Variants in EFCAB8 observed in about 807,000 individuals in gnomAD.
EFCAB8 encodes the protein EF-hand calcium binding domain 8, also known as EF-hand calcium-binding domain-containing protein 8.
EFCAB8 carries 100 observed loss-of-function variants against 116.3 expected under a neutral mutation model. That is an observed-to-expected ratio of 0.86 (90% confidence interval 0.73 to 1.02). The LOEUF (loss-of-function observed/expected upper bound fraction) is 1.02. Among genes scored for constraint, EFCAB8 ranks in the 50% least tolerant of loss-of-function variants. The pLI is 0.00. For missense variants in EFCAB8, 1,320 were observed against 1,416.9 expected (o/e 0.93, Z 1.10); for synonymous variants, 558 against 567.9 (o/e 0.98, Z 0.25).
chr20:32,901,984 C>T (rs1032617808), intron 11 of EFCAB8, among the ~76,000 whole-genome samples: 2 of 152,140 alleles, frequency 1.3e-5, no homozygotes, highest in African/African-American at 4.8e-5. Context: ...CCGCTCCTGG[C>T]CTTGTTTTTT....
At chr20:32,876,137 C>A in intron 4 of EFCAB8, 93 bp downstream of exon 4, 1 of 1,111,330 alleles carries the variant, frequency 9.0e-7, no homozygotes, top group Non-Finnish European at 1.3e-6. Flanking sequence ...GGGAGGCCAT[C>A]ACGATGTGGG....
At chr20:32,891,207 T>G (rs1423655231) in intron 7 of EFCAB8, among the ~76,000 whole-genome samples, 6 of 152,144 alleles carry the variant, frequency 3.9e-5, no homozygotes, top group Non-Finnish European at 8.8e-5. Flanking sequence ...CCTCCCGGGT[T>G]CAAGAGATTC....
intron 1 of EFCAB8, among the ~76,000 whole-genome samples, chr20:32,861,919 CTT>C (rs11469615): frequency 0.19 from 28,994 of 151,690 alleles, 2,928 homozygotes; most frequent in East Asian, 0.35. Context: ...CAGAAATGAA[CTT>C]AACATTTTAC....
At chr20:32,866,925 CGTTTCTTTT>C (rs1568896472) in intron 2 of EFCAB8, among the ~76,000 whole-genome samples, 1 of 142,670 alleles carries the variant, frequency 7.0e-6, no homozygotes, top group African/African-American at 2.6e-5. Context: ...TCGTTTCTTT[CGTTTCTTTT>C]TTTTTTGAAG....
intron 13 of EFCAB8, among the ~76,000 whole-genome samples, chr20:32,908,054 C>G (rs1473765495): frequency 2.0e-5 from 3 of 152,206 alleles, no homozygotes; most frequent in African/African-American, 7.2e-5. Context: ...GGGGGTGGAG[C>G]TGTGCCCGGC....
chr20:32,896,322 T>C, intron 9 of EFCAB8, 132 bp from the exon 10 acceptor site: 1 of 633,016 alleles, frequency 1.6e-6, no homozygotes. Context: ...GAGGTGCCAG[T>C]GAGGGTTTGG....
chr20:32,895,059 C>T (rs1411811302), intron 9 of EFCAB8, among the ~76,000 whole-genome samples: 3 of 152,246 alleles, frequency 2.0e-5, no homozygotes, highest in South Asian at 2.1e-4. Flanking sequence ...CCTCCTCCAT[C>T]CCTGGGAGGG....
intron 3 of EFCAB8, among the ~76,000 whole-genome samples, chr20:32,874,938 A>G (rs1984874100): frequency 6.6e-6 from 1 of 152,054 alleles, no homozygotes; most frequent in African/African-American, 2.4e-5. Flanking sequence ...TAGTAGAGGC[A>G]GGGTTTTGCC....
intron 3 of EFCAB8, among the ~76,000 whole-genome samples, chr20:32,873,600 C>T (rs1004605664): frequency 2.0e-5 from 3 of 151,674 alleles, no homozygotes; most frequent in African/African-American, 7.3e-5. Flanking sequence ...GGTAGGCTCA[C>T]ACCTGTAATC....
chr20:32,960,777 G>T (rs1006005704), intron 26 of EFCAB8, among the ~76,000 whole-genome samples: 3 of 152,202 alleles, frequency 2.0e-5, no homozygotes, highest in Non-Finnish European at 2.9e-5. Context: ...CCCCTGTCTC[G>T]GGCTGGGGAG....
intron 6 of EFCAB8, among the ~76,000 whole-genome samples, chr20:32,887,475 C>T (rs6088029): frequency 6.6e-6 from 1 of 152,204 alleles, no homozygotes; most frequent in South Asian, 2.1e-4. Context: ...ACTTGGGAGG[C>T]TGAGGCACGA....
At chr20:32,957,366 A>G (rs1989003055) in intron 23 of EFCAB8, among the ~76,000 whole-genome samples, 2 of 151,838 alleles carry the variant, frequency 1.3e-5, no homozygotes, top group African/African-American at 4.8e-5. Context: ...AATGGATTGT[A>G]AAGACTTTAG....
intron 23 of EFCAB8, among the ~76,000 whole-genome samples, chr20:32,944,371 A>G (rs1215052534): frequency 6.6e-6 from 1 of 152,134 alleles, no homozygotes; most frequent in African/African-American, 2.4e-5. Flanking sequence ...AGGCTGAGGC[A>G]GGAGAATCGT....
In EFCAB8 at chr20:32,893,234, C is replaced by T. The variant is rs1986003476; in HGVS notation, c.819C>T (p.Phe273=). The change falls in exon 9 of 27, where the codon TTC becomes TTT. Residue 273 remains phenylalanine, a synonymous_variant. Coordinates refer to ENST00000400522, the MANE Select transcript of EFCAB8 (RefSeq NM_001143967.2). ...ACGCCAAAGGCAACGTCATTGTCTT[C>T]ACCTCCGAAAACATGACCAGTGGGC... ...YGDAKGNVIV[F]TSENMTSGLF... 6 of 1,552,078 alleles carry T rather than the reference C, an allele frequency of 3.9e-6. No homozygotes were observed. The East Asian group carries it at 7.3e-5, about 19-fold the overall frequency.
Position 32,907,904 on chromosome 20 carries a change from G to T in EFCAB8, c.1309-371G>T, listed in dbSNP as rs12625029. On this transcript the variant is annotated intron_variant, in intron 13 of 26. Coordinates refer to ENST00000400522, the MANE Select transcript of EFCAB8 (RefSeq NM_001143967.2). ...GGCAGGCCACTGTGGCAACTATGTT[G>T]GTAGCCACTACCGGACTGTGTCCCA... 6.4e-3 allele frequency among the ~76,000 whole-genome samples: 979 copies of T among 152,316 alleles called. 22 individuals carry two copies. The East Asian group carries it at 0.078, about 12-fold the overall frequency.
chr20:32,952,013 A>T (rs1022862167), intron 23 of EFCAB8, among the ~76,000 whole-genome samples: 1 of 152,174 alleles, frequency 6.6e-6, no homozygotes, highest in African/African-American at 2.4e-5. Flanking sequence ...TAATACCAGC[A>T]CTTTGGGGGG....
intron 5 of EFCAB8, among the ~76,000 whole-genome samples, chr20:32,882,305 C>T (rs1985381175): frequency 6.6e-6 from 1 of 152,180 alleles, no homozygotes; most frequent in Non-Finnish European, 1.5e-5. Context: ...GAATATCGTC[C>T]ATTCACTTTG....
intron 22 of EFCAB8, among the ~76,000 whole-genome samples, chr20:32,932,813 G>A (rs370648654): frequency 1.4e-4 from 22 of 152,318 alleles, no homozygotes; most frequent in African/African-American, 5.1e-4. Context: ...GGGATTGCTA[G>A]GTAAAAGGGT....
At chr20:32,933,532 C>T (rs1987986029) in intron 22 of EFCAB8, among the ~76,000 whole-genome samples, 1 of 152,202 alleles carries the variant, frequency 6.6e-6, no homozygotes, top group Non-Finnish European at 1.5e-5. Flanking sequence ...ACTATAGTCA[C>T]TCTGCTGTGC....
Sources: gnomAD v4.1 joint callset for allele counts (sites outside exome capture counted in the v4.1 genomes callset) on GRCh38, gnomAD v4.1.1 for gene constraint, MANE v1.5 for transcripts, NCBI Gene and HGNC (gene_info 2026-07-23, HGNC 2026-07-21) for gene names.